BICRAL: variants seen among roughly 807,000 people sequenced by gnomAD.
BICRAL encodes BRD4-interacting chromatin-remodeling complex-associated protein-like.
A neutral mutation model predicts 91.8 loss-of-function variants in BICRAL; 8 were observed. The ratio of observed to expected loss-of-function variants is 0.09; its 90% CI spans 0.05 to 0.16. BICRAL has a LOEUF of 0.16. BICRAL is among the 10% of genes least tolerant of loss of function. The pLI, the probability that BICRAL is intolerant of heterozygous loss-of-function variation, is 1.00. For missense variants in BICRAL, 1,038 were observed against 1,310.9 expected (o/e 0.79, Z 3.21); for synonymous variants, 445 against 491.1 (o/e 0.91, Z 1.24).
chr6:42,809,226 A>G (rs1429284252), intron 1 of BICRAL, among the ~76,000 whole-genome samples: 1 of 150,866 alleles, frequency 6.6e-6, no homozygotes, highest in Non-Finnish European at 1.5e-5. Context: ...GCCGAGAATG[A>G]TGGTTTCCAG....
intron 1 of BICRAL, among the ~76,000 whole-genome samples, chr6:42,771,456 G>A (rs998436823): frequency 1.5e-5 from 2 of 134,920 alleles, no homozygotes; most frequent in African/African-American, 2.7e-5. Context: ...AGATAGAAAG[G>A]CCTCTATATC....
intron 2 of BICRAL, among the ~76,000 whole-genome samples, chr6:42,817,687 C>T (rs946033984): frequency 2.6e-5 from 4 of 151,918 alleles, no homozygotes; most frequent in Non-Finnish European, 5.9e-5. Context: ...ACTACATTGC[C>T]AAGCAGGTTC....
intron 1 of BICRAL, among the ~76,000 whole-genome samples, chr6:42,760,191 C>T (rs765263822): frequency 4.6e-5 from 7 of 151,816 alleles, no homozygotes; most frequent in Non-Finnish European, 1.0e-4. Context: ...TTGCGGTGAG[C>T]TGAGGTTGCG....
intron 6 of BICRAL, among the ~76,000 whole-genome samples, chr6:42,845,198 T>TG: frequency 7.8e-5 from 1 of 12,752 alleles, no homozygotes. Context: ...TTTGGGTGTT[T>TG]TTTTTTTTTT....
chr6:42,848,251 CAA>C (rs879944219), intron 6 of BICRAL, among the ~76,000 whole-genome samples: 3 of 141,640 alleles, frequency 2.1e-5, no homozygotes, highest in Admixed American at 7.1e-5. Context: ...GACTCCATCT[CAA>C]AAAAAAAAAA....
chr6:42,780,485 T>C (rs1465753807), upstream of BICRAL, among the ~76,000 whole-genome samples: 1 of 152,178 alleles, frequency 6.6e-6, no homozygotes, highest in African/African-American at 2.4e-5. Context: ...AGCTGAGCAT[T>C]CTGTTTATCA....
At chr6:42,822,239 CTT>C (rs762832675) in intron 3 of BICRAL, among the ~76,000 whole-genome samples, 176 bp downstream of exon 3, 5 of 143,684 alleles carry the variant, frequency 3.5e-5, no homozygotes, top group Non-Finnish European at 1.5e-5. Flanking sequence ...TTCAGTAATT[CTT>C]TTTTTTTTTT....
At position 42,754,174 on chromosome 6, in the gene BICRAL, C is replaced by CT. The variant is rs879358224; in HGVS notation, c.-261+7166dup. On this transcript the variant is annotated intron_variant, in intron 1 of 14. Coordinates refer to the BICRAL transcript ENST00000614467. ...ATGAGAATTTGCTAACATACAGAAA[C>CT]TTTTTTTTTTTTTTTGAGACGGAGT... 4.3e-3 allele frequency among the ~76,000 whole-genome samples: 609 copies of CT among 142,280 alleles called. 3 individuals carry two copies. Among genetic ancestry groups the CT allele is most frequent in the African/African-American group, 0.01 (399 of 39,034 alleles). 93.3% of individuals were successfully genotyped at this position (142,280 alleles called of 152,430 possible).
intron 6 of BICRAL, among the ~76,000 whole-genome samples, chr6:42,831,745 C>A (rs1582854011): frequency 6.9e-6 from 1 of 144,756 alleles, no homozygotes. Context: ...ATTTCAAAAT[C>A]TTTTTTTTTT....
intron 1 of BICRAL, among the ~76,000 whole-genome samples, chr6:42,792,177 TAATA>T (rs1190640675): frequency 2.0e-5 from 3 of 152,170 alleles, no homozygotes; most frequent in African/African-American, 7.2e-5. Context: ...ACTGTGAACT[TAATA>T]AACACCATAC....
At chr6:42,852,744 A>G (rs1765229141) in intron 7 of BICRAL, among the ~76,000 whole-genome samples, 1 of 151,898 alleles carries the variant, frequency 6.6e-6, no homozygotes, top group South Asian at 2.1e-4. Flanking sequence ...AAAGAAAAAC[A>G]AGCACTTCTA....
At chr6:42,772,222 ATAT>A (rs1762748448) in intron 1 of BICRAL, among the ~76,000 whole-genome samples, 1 of 132,592 alleles carries the variant, frequency 7.5e-6, no homozygotes, top group African/African-American at 3.0e-5. Flanking sequence ...GTAGGTTTAG[ATAT>A]TTTTTTTTCA....
intron 1 of BICRAL, among the ~76,000 whole-genome samples, chr6:42,764,613 C>G (rs80293404): frequency 0.071 from 10,751 of 151,786 alleles, 431 homozygotes; most frequent in South Asian, 0.13. Context: ...TACACATACA[C>G]GACTTGAGAG....
At chr6:42,760,556 A>G (rs1473082808) in intron 1 of BICRAL, among the ~76,000 whole-genome samples, 4 of 148,212 alleles carry the variant, frequency 2.7e-5, no homozygotes, top group African/African-American at 1.0e-4. Context: ...TGGTTTCAAC[A>G]TTATTATTAT....
rs758928367 is a variant in BICRAL at position 42,864,668 on chromosome 6, A to T, written c.2462A>T (p.Gln821Leu). The change falls in exon 13 of 13, where the codon CAG becomes CTG. Residue 821 changes from glutamine to leucine, a missense_variant. Transcript: ENST00000314073. ...TTGTTCCCATTTCCAGAGGGTTTTCAGGCTGATTTCTGTTGTTCCTTCAAA... is the reference window on the plus strand; with the variant it reads ...TTGTTCCCATTTCCAGAGGGTTTTCTGGCTGATTTCTGTTGTTCCTTCAAA... ...RLALVDPEGF[Q>L]ADFCCSFKLD... 4 of 1,613,068 alleles carry T rather than the reference A, an allele frequency of 2.5e-6. No individual in the cohort carries two copies. In the Admixed American group the frequency reaches 5.0e-5, roughly 20 times the overall value.
intron 2 of BICRAL, among the ~76,000 whole-genome samples, chr6:42,814,499 G>GTGTATATATATATATATGTATA (rs374054837): frequency 1.6e-5 from 1 of 61,280 alleles, no homozygotes; most frequent in African/African-American, 7.9e-5. Context: ...GTGTGTGTGT[G>GTGTATATATATATATATGTATA]TATATATATA....
chr6:42,813,727 C>T (rs922359280), intron 2 of BICRAL, among the ~76,000 whole-genome samples: 4 of 151,934 alleles, frequency 2.6e-5, no homozygotes, highest in African/African-American at 7.3e-5. Context: ...TTCCATGTTG[C>T]GCAGGAGGGT....
In BICRAL at chr6:42,860,330, A is replaced by G; in HGVS notation, c.2323A>G (p.Arg775Gly). The change falls in exon 11 of 13, where the codon AGA becomes GGA. Residue 775 changes from arginine (R) to glycine (G), a missense_variant. Coordinates refer to ENST00000314073, the MANE Select transcript of BICRAL (RefSeq NM_001393499.1). ...GACCCAAGCTATGCTTAACAAATAC[A>G]GATGCCTGCTCCTAGAAGATGCCAT... ...KRTQAMLNKY[R>G]CLLLEDAMRI... 6.2e-7 allele frequency: 1 copy of G among 1,607,772 alleles called. No homozygotes were observed.
At chr6:42,813,151 GA>G (rs1763887670) in intron 2 of BICRAL, among the ~76,000 whole-genome samples, 1 of 152,206 alleles carries the variant, frequency 6.6e-6, no homozygotes, top group African/African-American at 2.4e-5. Context: ...AAAGAAGAGG[GA>G]GGGGCATAAA....
Sources: gnomAD v4.1 joint callset for allele counts (sites outside exome capture counted in the v4.1 genomes callset) on GRCh38, gnomAD v4.1.1 for gene constraint, MANE v1.5 for transcripts, NCBI Gene and HGNC (gene_info 2026-07-23, HGNC 2026-07-21) for gene names.